The following FGD4 variants were observed in gnomAD, a reference collection of about 807,000 sequenced individuals.
FGD4 encodes the protein FYVE, RhoGEF and PH domain containing 4.
Under a neutral mutation model 102.0 loss-of-function variants are expected in FGD4, and 42 were observed. That is an observed-to-expected ratio of 0.41 (90% CI 0.32 to 0.53). FGD4 has a LOEUF of 0.53. Among genes scored for constraint, FGD4 ranks in the 20% least tolerant of loss-of-function variants. The pLI is 0.21. For missense variants in FGD4, 902 were observed against 1,078.2 expected, an observed-to-expected ratio of 0.84 and a Z score of 2.29; for synonymous variants, 380 against 375.7, an observed-to-expected ratio of 1.01 and a Z score of -0.13.
chr12:32,640,826 A>G lies in FGD4; in HGVS notation c.*293A>G. 1 of 589,632 alleles carries G rather than the reference A, an allele frequency of 1.7e-6. No individual in the cohort carries two copies. Among genetic ancestry groups the G allele is most frequent in the African/African-American group, 1.9e-5 (1 of 53,762 alleles). The allele number at this position is 589,632 out of a possible 1,614,324, so 36.5% of individuals were successfully genotyped here. A position where few individuals can be genotyped will look rare whatever the true frequency, so the allele number is the denominator to read the frequency against. On this transcript the variant is annotated 3_prime_UTR_variant, in exon 17 of 17. Coordinates refer to ENST00000534526, the MANE Select transcript of FGD4 (RefSeq NM_001370298.3). ...TGTATCAATTGATTCTGTCACCGTC[A>G]GGTTAGAATGAGCACTTCCATTTAA...
intron 5 of FGD4, among the ~76,000 whole-genome samples, chr12:32,599,494 C>CAAAAAA (rs777429838): frequency 4.1e-4 from 8 of 19,704 alleles, no homozygotes; most frequent in African/African-American, 7.9e-4. Flanking sequence ...GACTCCGTCT[C>CAAAAAA]AAAAAAAAAA....
intron 4 of FGD4, chr12:32,582,862 A>G: frequency 5.2e-6 from 1 of 192,546 alleles, no homozygotes; most frequent in Non-Finnish European, 1.1e-5. Context: ...AGTTTCTAAT[A>G]GAATAAATAG....
rs745911641 is a variant in FGD4 at position 32,399,832 on chromosome 12, G to C, written c.39G>C (p.Ala13=). The change falls in exon 1 of 17, where the codon GCG becomes GCC. Residue 13 remains alanine (A), a synonymous_variant. Coordinates refer to ENST00000534526, the MANE Select transcript of FGD4 (RefSeq NM_001370298.3). ...DEGGSNFRRV[A]IRRKSNPSYL... ...GCGGCTCCAACTTCAGGCGGGTGGC[G>C]ATCCGGCGGAAGTCCAACCCCTCCT... is the stretch of plus-strand genomic sequence containing the variant. 5 of 1,531,432 alleles carry C rather than the reference G, an allele frequency of 3.3e-6. No homozygotes were observed. The highest frequency in any genetic ancestry group is 3.5e-6 in the Non-Finnish European group (4 of 1,145,394). 94.9% of individuals were successfully genotyped at this position (1,531,432 alleles called of 1,614,324 possible).
In FGD4 at chr12:32,576,319, A is replaced by ACCC; in HGVS notation, c.376_378dup (p.Pro126dup). On this transcript the variant is annotated inframe_insertion, in exon 3 of 17. Transcript: ENST00000534526. ...TTCACCTTCGTCCAATATACACCAA[A>ACCC]CCCCCAGGCATAAAGCTTTACCTAG... The ACCC allele has an allele frequency of 6.2e-7, 1 of 1,613,578 alleles. No homozygotes were observed. The highest frequency in any genetic ancestry group is 8.5e-7 in the Non-Finnish European group (1 of 1,179,824).
chr12:32,472,607 C>T (rs1406882690), intron 1 of FGD4, among the ~76,000 whole-genome samples: 1 of 152,242 alleles, frequency 6.6e-6, no homozygotes, highest in Non-Finnish European at 1.5e-5. Flanking sequence ...GCCCAAGCCT[C>T]CCGGACGAGC....
At chr12:32,602,067 A>G in intron 6 of FGD4, 94 bp from the exon 7 acceptor site, 2 of 1,138,282 alleles carry the variant, frequency 1.8e-6, no homozygotes, top group African/African-American at 1.5e-5. Flanking sequence ...GTGAGCTGTG[A>G]TAATGCCACT....
chr12:32,541,528 G>C (rs1010746345), intron 1 of FGD4, among the ~76,000 whole-genome samples: 7 of 152,244 alleles, frequency 4.6e-5, no homozygotes, highest in Non-Finnish European at 8.8e-5. Context: ...ACCACACCCA[G>C]CTAATTTTTG....
intron 1 of FGD4, among the ~76,000 whole-genome samples, chr12:32,414,759 G>C (rs1941339036): frequency 1.3e-5 from 2 of 152,048 alleles, no homozygotes; most frequent in African/African-American, 4.8e-5. Context: ...GATATTTATT[G>C]ATATTTTGTA....
At chr12:32,587,221 G>A (rs1286710765) in intron 4 of FGD4, among the ~76,000 whole-genome samples, 8 of 149,278 alleles carry the variant, frequency 5.4e-5, no homozygotes, top group Non-Finnish European at 1.2e-4. Flanking sequence ...AATTCTGGAA[G>A]CATTACGATT....
At chr12:32,495,841 C>A (rs1384118000) in intron 1 of FGD4, among the ~76,000 whole-genome samples, 1 of 152,164 alleles carries the variant, frequency 6.6e-6, no homozygotes, top group Non-Finnish European at 1.5e-5. Context: ...ACATGCTTCA[C>A]CTACCGTGCA....
chr12:32,563,331 G>C (rs1479192625), intron 1 of FGD4, among the ~76,000 whole-genome samples: 2 of 151,772 alleles, frequency 1.3e-5, no homozygotes, highest in African/African-American at 4.8e-5. Flanking sequence ...CGGGGTCGCG[G>C]CCGGGCAGGG....
At chr12:32,620,516 C>CTTTCTTTCTTTT (rs1949746199) in intron 11 of FGD4, among the ~76,000 whole-genome samples, 4 of 108,126 alleles carry the variant, frequency 3.7e-5, no homozygotes, top group African/African-American at 1.1e-4. Context: ...CATTTTTTTT[C>CTTTCTTTCTTTT]TTTCTTTTTT....
chr12:32,619,511 A>T (rs1949668571), intron 10 of FGD4, among the ~76,000 whole-genome samples, 187 bp from the exon 11 acceptor site: 1 of 152,014 alleles, frequency 6.6e-6, no homozygotes, highest in Non-Finnish European at 1.5e-5. Context: ...GGGTGCCTGT[A>T]GTCCCAGCTA....
intron 4 of FGD4, among the ~76,000 whole-genome samples, chr12:32,596,552 A>G (rs1592344371): frequency 6.6e-6 from 1 of 152,002 alleles, no homozygotes; most frequent in African/African-American, 2.4e-5. Flanking sequence ...TTTTCTTTCT[A>G]TGAAAGTAGA....
At chr12:32,525,977 CG>C (rs1391362252) in intron 1 of FGD4, among the ~76,000 whole-genome samples, 1 of 152,222 alleles carries the variant, frequency 6.6e-6, no homozygotes, top group Non-Finnish European at 1.5e-5. Flanking sequence ...GGCTCCTGTG[CG>C]GCCCGAGCCT....
intron 2 of FGD4, among the ~76,000 whole-genome samples, chr12:32,569,655 T>C (rs12311102): frequency 0.045 from 6,894 of 152,214 alleles, 446 homozygotes; most frequent in African/African-American, 0.14. Context: ...CACCACGTTT[T>C]CTCCTAGCAC....
chr12:32,522,624 C>T (rs1940663759), intron 1 of FGD4, among the ~76,000 whole-genome samples: 2 of 152,194 alleles, frequency 1.3e-5, no homozygotes, highest in South Asian at 4.1e-4. Context: ...CTGGAAGCTG[C>T]ATGGTTATTT....
intron 1 of FGD4, among the ~76,000 whole-genome samples, chr12:32,423,625 G>A (rs1941731405): frequency 6.7e-6 from 1 of 150,344 alleles, no homozygotes; most frequent in Non-Finnish European, 1.5e-5. Flanking sequence ...GAAAGTGAAG[G>A]AATAAATAAA....
At chr12:32,433,537 A>G (rs1199209731) in intron 1 of FGD4, among the ~76,000 whole-genome samples, 1 of 151,838 alleles carries the variant, frequency 6.6e-6, no homozygotes, top group Non-Finnish European at 1.5e-5. Flanking sequence ...GGGTTTCACC[A>G]TGTTGGCCAG....
Sources: allele counts gnomAD v4.1 joint callset (sites outside exome capture counted in the v4.1 genomes callset), GRCh38; gene constraint gnomAD v4.1.1; transcripts MANE v1.5; gene names NCBI Gene and HGNC (gene_info 2026-07-23, HGNC 2026-07-21).